The following RHAG variants were observed in gnomAD, a reference collection of about 807,000 sequenced individuals.
RHAG encodes the protein ammonium transporter Rh type A.
In RHAG, 25 loss-of-function variants were observed where a neutral mutation model predicts 42.4. The ratio of observed to expected loss-of-function variants is 0.59; its 90% confidence interval spans 0.43 to 0.82. RHAG has a LOEUF of 0.82. Ranked by LOEUF, RHAG falls within the 40% of genes least tolerant of loss-of-function variation. RHAG has a pLI of 0.00. For missense variants in RHAG, 483 were observed against 504.6 expected (o/e 0.96, Z 0.41); for synonymous variants, 182 against 177.7 (o/e 1.02, Z -0.19).
intron 1 of RHAG, among the ~76,000 whole-genome samples, chr6:49,630,210 T>G (rs1762914004): frequency 6.6e-6 from 1 of 152,246 alleles, no homozygotes; most frequent in African/African-American, 2.4e-5. Context: ...TGCATATCCC[T>G]CTTGTTTTAT....
intron 1 of RHAG, among the ~76,000 whole-genome samples, chr6:49,623,156 G>A (rs1762792439): frequency 6.6e-6 from 1 of 152,046 alleles, no homozygotes; most frequent in Non-Finnish European, 1.5e-5. Context: ...ATTTTATATT[G>A]GGGTAAAGAA....
intron 1 of RHAG, among the ~76,000 whole-genome samples, chr6:49,633,086 T>C (rs1475977885): frequency 2.0e-5 from 3 of 152,216 alleles, no homozygotes; most frequent in Non-Finnish European, 2.9e-5. Context: ...TTCCCTTCTC[T>C]ACTGTTTAAA....
intron 1 of RHAG, among the ~76,000 whole-genome samples, chr6:49,631,225 A>G (rs1337223075): frequency 2.0e-5 from 3 of 152,228 alleles, no homozygotes; most frequent in African/African-American, 7.2e-5. Context: ...GTAAGTATCA[A>G]GTAATCTCTG....
At chr6:49,611,971 A>C (rs1359486039) in intron 6 of RHAG, among the ~76,000 whole-genome samples, 5 of 150,488 alleles carry the variant, frequency 3.3e-5, no homozygotes, top group Admixed American at 3.3e-4. Flanking sequence ...CTGGTCTTGA[A>C]CTCCTGACCT....
intron 1 of RHAG, among the ~76,000 whole-genome samples, chr6:49,631,508 T>C (rs1212438757): frequency 6.6e-6 from 1 of 151,976 alleles, no homozygotes; most frequent in Non-Finnish European, 1.5e-5. Context: ...ATGTCATTAT[T>C]ATTTTAACAC....
At chr6:49,609,700 G>A (rs572125613) in intron 7 of RHAG, among the ~76,000 whole-genome samples, 23 of 152,204 alleles carry the variant, frequency 1.5e-4, no homozygotes, top group South Asian at 6.2e-4. Context: ...GATTAAATGC[G>A]TTTTTCAAGT....
intron 3 of RHAG, among the ~76,000 whole-genome samples, chr6:49,616,956 C>T (rs142631256): frequency 6.6e-6 from 1 of 152,268 alleles, no homozygotes; most frequent in Non-Finnish European, 1.5e-5. Context: ...GAGTCTGTGC[C>T]TATCTTGAAA....
chr6:49,613,649 C>T (rs1762603964), intron 5 of RHAG, among the ~76,000 whole-genome samples: 1 of 152,118 alleles, frequency 6.6e-6, no homozygotes, highest in Non-Finnish European at 1.5e-5. Flanking sequence ...CTGAGGGTTA[C>T]TCCTTTACTG....
rs113808777 is a variant in RHAG, at chr6:49,627,480, G to A, written c.158-8118C>T. Among the ~76,000 whole-genome samples, 509 of 152,114 alleles carry A rather than the reference G, an allele frequency of 3.3e-3. 1 individual carries two copies. The highest frequency in any genetic ancestry group is 7.3e-3 in the Admixed American group (111 of 15,282). ...AACTTCCAAACTTTCCCACACCTTC[G>A]TGTCTTCCTCTGAGCCCTCCAAACT... On this transcript the variant is annotated intron_variant, in intron 1 of 9. Coordinates refer to ENST00000371175, the MANE Select transcript of RHAG (RefSeq NM_000324.3).
intron 3 of RHAG, among the ~76,000 whole-genome samples, chr6:49,617,217 T>C (rs1200794050): frequency 6.6e-6 from 1 of 152,222 alleles, no homozygotes; most frequent in Non-Finnish European, 1.5e-5. Context: ...CATTAGTTAC[T>C]GGAAAACTTC....
At chr6:49,621,456 TCTC>T (rs1349320623) in intron 1 of RHAG, among the ~76,000 whole-genome samples, 1 of 152,148 alleles carries the variant, frequency 6.6e-6, no homozygotes, top group Non-Finnish European at 1.5e-5. Flanking sequence ...GCTGAGGCCT[TCTC>T]CTTCTCTGCC....
At chr6:49,623,061 A>G (rs1256740255) in intron 1 of RHAG, among the ~76,000 whole-genome samples, 2 of 151,702 alleles carry the variant, frequency 1.3e-5, no homozygotes, top group Non-Finnish European at 2.9e-5. Flanking sequence ...GATGGTCTCG[A>G]TCTCCTGACC....
intron 3 of RHAG, 76 bp downstream of exon 3, chr6:49,617,992 C>A (rs1392459612): frequency 2.2e-6 from 3 of 1,339,364 alleles, no homozygotes; most frequent in Non-Finnish European, 2.1e-6. Context: ...CTCCCATATA[C>A]CGTAGACACC....
intron 3 of RHAG, 37 bp downstream of exon 3, chr6:49,618,031 C>T: frequency 1.2e-6 from 2 of 1,601,492 alleles, no homozygotes; most frequent in Non-Finnish European, 8.5e-7. Flanking sequence ...AGAACTGATG[C>T]CCAAAGCTAG....
intron 5 of RHAG, 145 bp from the exon 6 acceptor site, chr6:49,612,679 G>T: frequency 1.0e-6 from 1 of 996,148 alleles, no homozygotes; most frequent in Non-Finnish European, 1.5e-6. Context: ...GGTTTGTTTG[G>T]ATTTATAGAA....
chr6:49,610,364 C>T (rs1251460559), intron 7 of RHAG, among the ~76,000 whole-genome samples: 2 of 152,164 alleles, frequency 1.3e-5, no homozygotes, highest in East Asian at 3.8e-4. Context: ...GGCATCCCTT[C>T]CATTCTCTGG....
In RHAG at chr6:49,605,309, T is replaced by C. The variant is rs1047980212; in HGVS notation, c.*504A>G. 1.3e-4 allele frequency: 21 copies of C among 166,738 alleles called. No individual in the cohort carries two copies. Among genetic ancestry groups the C allele is most frequent in the Non-Finnish European group, 2.4e-4 (18 of 75,628 alleles). The allele number at this position is 166,738 out of a possible 1,614,324, so 10.3% of individuals were successfully genotyped here. On this transcript the variant is annotated 3_prime_UTR_variant, in exon 10 of 10. Coordinates refer to ENST00000371175, the MANE Select transcript of RHAG (RefSeq NM_000324.3). The stretch of plus-strand genomic sequence containing the variant: ...TAATATTCATGCAAGGATACAACAT[T>C]ACTAACTAGACTATTTTTAAAATAA...
At chr6:49,619,661 C>A (rs901351455) in intron 1 of RHAG, among the ~76,000 whole-genome samples, 2 of 152,198 alleles carry the variant, frequency 1.3e-5, no homozygotes, top group African/African-American at 4.8e-5. Flanking sequence ...TGAGGACAGA[C>A]TTACAAAGCA....
intron 4 of RHAG, 76 bp downstream of exon 4, chr6:49,615,548 C>T: frequency 6.5e-7 from 1 of 1,527,044 alleles, no homozygotes; most frequent in Non-Finnish European, 9.1e-7. Flanking sequence ...TTGAGCATCT[C>T]ACACCCTTGT....
Sources: allele counts gnomAD v4.1 joint callset (sites outside exome capture counted in the v4.1 genomes callset), GRCh38; gene constraint gnomAD v4.1.1; transcripts MANE v1.5; gene names NCBI Gene and HGNC (gene_info 2026-07-23, HGNC 2026-07-21).